Variants in ZBTB7C observed in about 807,000 individuals in gnomAD.
The protein encoded by ZBTB7C is zinc finger and BTB domain containing 7C.
ZBTB7C carries 8 observed loss-of-function variants against 25.7 expected under a neutral mutation model. That is an observed-to-expected ratio of 0.31 (90% CI 0.18 to 0.56). The LOEUF (loss-of-function observed/expected upper bound fraction) is 0.56. ZBTB7C is among the 20% of genes least tolerant of loss of function. ZBTB7C has a pLI of 0.91. For missense variants in ZBTB7C, 824 were observed against 855.2 expected, an observed-to-expected ratio of 0.96 and a Z score of 0.46; for synonymous variants, 394 against 369.0, an observed-to-expected ratio of 1.07 and a Z score of -0.78.
Position 48,040,643 on chromosome 18 carries a change from CTCT to C in ZBTB7C, c.462_464del (p.Glu162del). ...CATCCTCCTCCTCTTCCTCCTCCTC[CTCT>C]TCGTCCTCCTCATCATCATCATCTT... On this transcript the variant is annotated inframe_deletion, in exon 4 of 5. Coordinates refer to ENST00000590800, the MANE Select transcript of ZBTB7C (RefSeq NM_001318841.2). The C allele has an allele frequency of 1.2e-6, 2 of 1,613,092 alleles. No individual in the cohort carries two copies. Among genetic ancestry groups the C allele is most frequent in the Non-Finnish European group, 1.7e-6 (2 of 1,179,380 alleles).
At chr18:48,170,888 A>G (rs980157896) in intron 3 of ZBTB7C, among the ~76,000 whole-genome samples, 1 of 151,804 alleles carries the variant, frequency 6.6e-6, no homozygotes, top group Non-Finnish European at 1.5e-5. Context: ...CAGGCCTTTC[A>G]TGGGAGTGTG....
chr18:48,180,003 G>A (rs2041858633), intron 3 of ZBTB7C, among the ~76,000 whole-genome samples: 1 of 106,918 alleles, frequency 9.4e-6, no homozygotes, highest in Admixed American at 1.2e-4. Flanking sequence ...TCCTTACAAG[G>A]AAGATATTTC....
chr18:48,096,764 G>A (rs2038648608), intron 3 of ZBTB7C, among the ~76,000 whole-genome samples: 1 of 152,226 alleles, frequency 6.6e-6, no homozygotes. Context: ...ATGGTGAAGA[G>A]AGAGCAAAGG....
intron 2 of ZBTB7C, among the ~76,000 whole-genome samples, chr18:48,254,843 T>G (rs2043978216): frequency 6.6e-6 from 1 of 152,196 alleles, no homozygotes; most frequent in South Asian, 2.1e-4. Flanking sequence ...ATCCAGTATC[T>G]CAGTGTACTG....
At chr18:48,301,139 G>A (rs2045533251) in intron 2 of ZBTB7C, among the ~76,000 whole-genome samples, 1 of 152,188 alleles carries the variant, frequency 6.6e-6, no homozygotes, top group Admixed American at 6.5e-5. Flanking sequence ...AGAACTCAAA[G>A]GATAAGAAAG....
At chr18:48,128,541 A>G (rs1244727222) in intron 3 of ZBTB7C, among the ~76,000 whole-genome samples, 1 of 152,248 alleles carries the variant, frequency 6.6e-6, no homozygotes, top group Non-Finnish European at 1.5e-5. Flanking sequence ...GGAACAAAAT[A>G]ATGTCTTTTG....
intron 2 of ZBTB7C, among the ~76,000 whole-genome samples, chr18:48,272,785 G>A (rs1247904461): frequency 1.3e-5 from 2 of 151,904 alleles, no homozygotes; most frequent in African/African-American, 4.8e-5. Context: ...AACAAAATAT[G>A]GTATATCCAA....
At chr18:48,216,283 C>G (rs1218103695) in intron 2 of ZBTB7C, among the ~76,000 whole-genome samples, 1 of 152,198 alleles carries the variant, frequency 6.6e-6, no homozygotes, top group Admixed American at 6.5e-5. Flanking sequence ...TTTTCTCCAG[C>G]TCACCAGTAA....
At chr18:48,228,614 C>A (rs188777380) in intron 2 of ZBTB7C, among the ~76,000 whole-genome samples, 64 of 152,216 alleles carry the variant, frequency 4.2e-4, no homozygotes, top group Non-Finnish European at 7.8e-4. Context: ...TCCTTGCCCA[C>A]TGTGGTTGCC....
intron 3 of ZBTB7C, chr18:48,165,082 C>T: frequency 7.8e-7 from 1 of 1,281,798 alleles, no homozygotes; most frequent in Non-Finnish European, 1.0e-6. Flanking sequence ...TGAACACATT[C>T]CCACAAACAA....
At chr18:48,180,157 C>T (rs139160463) in intron 3 of ZBTB7C, among the ~76,000 whole-genome samples, 2 of 80,360 alleles carry the variant, frequency 2.5e-5, no homozygotes, top group Non-Finnish European at 4.8e-5. Context: ...CTTTCCCTCC[C>T]TCCCTCCCTT....
intron 2 of ZBTB7C, among the ~76,000 whole-genome samples, chr18:48,306,544 A>G (rs2045678586): frequency 6.6e-6 from 1 of 152,218 alleles, no homozygotes; most frequent in South Asian, 2.1e-4. Context: ...TATTTGTTGA[A>G]TTAATGAACA....
At chr18:48,112,966 A>C (rs2039300321) in intron 3 of ZBTB7C, among the ~76,000 whole-genome samples, 1 of 152,234 alleles carries the variant, frequency 6.6e-6, no homozygotes, top group African/African-American at 2.4e-5. Context: ...TGCATCAGAG[A>C]AAAGTAACAC....
intron 1 of ZBTB7C, among the ~76,000 whole-genome samples, chr18:48,395,093 G>A (rs2047990962): frequency 6.6e-6 from 1 of 152,030 alleles, no homozygotes; most frequent in African/African-American, 2.4e-5. Flanking sequence ...AAGAGTGCCT[G>A]CTGATTCTCC....
intron 3 of ZBTB7C, among the ~76,000 whole-genome samples, chr18:48,085,538 G>A (rs540203608): frequency 6.6e-6 from 1 of 152,186 alleles, no homozygotes; most frequent in Admixed American, 6.5e-5. Flanking sequence ...GTGACTGAAC[G>A]TCTGTGTGCC....
chr18:48,026,964 C>T lies in ZBTB7C; in HGVS notation c.*2296G>A, dbSNP rs1347859198. 1 of 151,466 alleles carries T rather than the reference C, an allele frequency of 6.6e-6. No homozygotes were observed. Among genetic ancestry groups the T allele is most frequent in the Non-Finnish European group, 1.5e-5 (1 of 67,926 alleles). The allele number at this position is 151,466 out of a possible 1,614,324, so 9.4% of individuals were successfully genotyped here. On this transcript the variant is annotated 3_prime_UTR_variant, in exon 5 of 5. Transcript: ENST00000590800. ...TTCTCGGCGGGATGTGGCGTGCGAC[C>T]GAAGTTATGGAAGATTGTCCCTTGA...
rs115581484 is a variant in ZBTB7C, at chr18:48,371,995, A to G, written c.-303-33597T>C. Among the ~76,000 whole-genome samples the G allele has an allele frequency of 5.3e-3, 807 of 152,316 alleles. 3 individuals are homozygous for G. Among genetic ancestry groups the G allele is most frequent in the African/African-American group, 0.019 (778 of 41,566 alleles). On this transcript the variant is annotated intron_variant, in intron 1 of 4. Coordinates refer to ENST00000590800, the MANE Select transcript of ZBTB7C (RefSeq NM_001318841.2). ...TCCATCCTGAACTCTGAAGATGCCAATAACATCCACCAGCGGCTCTGCCCA... is the reference window on the plus strand; with the variant it reads ...TCCATCCTGAACTCTGAAGATGCCAGTAACATCCACCAGCGGCTCTGCCCA...
At chr18:48,331,194 A>G (rs1395792232) in intron 2 of ZBTB7C, among the ~76,000 whole-genome samples, 1 of 152,198 alleles carries the variant, frequency 6.6e-6, no homozygotes, top group African/African-American at 2.4e-5. Context: ...TCTGTGTCTT[A>G]GACGGCACCT....
At chr18:48,168,518 A>G (rs1432745926) in intron 3 of ZBTB7C, among the ~76,000 whole-genome samples, 2 of 152,240 alleles carry the variant, frequency 1.3e-5, no homozygotes, top group East Asian at 1.9e-4. Flanking sequence ...CTATACATCA[A>G]TAAGGAAGAA....
Sources: allele counts gnomAD v4.1 joint callset (sites outside exome capture counted in the v4.1 genomes callset), GRCh38; gene constraint gnomAD v4.1.1; transcripts MANE v1.5; gene names NCBI Gene and HGNC (gene_info 2026-07-23, HGNC 2026-07-21).